TENM3: variants seen among roughly 807,000 people sequenced by gnomAD.
TENM3 encodes the protein teneurin-3.
Under a neutral mutation model 255.1 loss-of-function variants are expected in TENM3, and 63 were observed. That is an observed-to-expected ratio of 0.25 (90% CI 0.20 to 0.30). TENM3 has a LOEUF of 0.30. Among genes scored for constraint, TENM3 ranks in the 10% least tolerant of loss-of-function variants. TENM3 has a pLI of 1.00. For missense variants in TENM3, 2,929 were observed against 3,461.1 expected (o/e 0.85, Z 3.86); for synonymous variants, 1,306 against 1,322.3 (o/e 0.99, Z 0.27).
intron 7 of TENM3, 44 bp downstream of exon 7, chr4:182,673,263 G>T (rs772806748): frequency 6.6e-6 from 9 of 1,366,064 alleles, no homozygotes; most frequent in Admixed American, 4.3e-5. Flanking sequence ...ACTGCCAGTT[G>T]CATTTTTTGA....
At chr4:181,753,009 A>T in the TENM3 span, among the ~76,000 whole-genome samples, 1 of 152,014 alleles carries the variant, frequency 6.6e-6, no homozygotes, top group Non-Finnish European at 1.5e-5. Flanking sequence ...GAAGTATGTG[A>T]TTATGATTCA....
At chr4:182,061,986 A>G in the TENM3 span, among the ~76,000 whole-genome samples, 5 of 152,250 alleles carry the variant, frequency 3.3e-5, no homozygotes, top group African/African-American at 1.2e-4. Context: ...AAAATTAAAA[A>G]TTAAATATTT....
intron 3 of TENM3, among the ~76,000 whole-genome samples, chr4:182,512,840 G>A (rs899072537): frequency 6.6e-6 from 1 of 152,132 alleles, no homozygotes; most frequent in East Asian, 1.9e-4. Context: ...TATAGGCTAA[G>A]AGTATACAGA....
chr4:182,461,324 G>A (rs570127762), intron 3 of TENM3, among the ~76,000 whole-genome samples: 1 of 152,278 alleles, frequency 6.6e-6, no homozygotes, highest in East Asian at 1.9e-4. Context: ...CTTTTCAGGT[G>A]GAGAGGCACA....
the TENM3 span, among the ~76,000 whole-genome samples, chr4:181,959,593 CG>C: frequency 6.6e-6 from 1 of 152,182 alleles, no homozygotes; most frequent in East Asian, 1.9e-4. Context: ...AGCAGATCAC[CG>C]GCATGCCGGC....
chr4:182,126,304 T>C, the TENM3 span, among the ~76,000 whole-genome samples: 27 of 152,292 alleles, frequency 1.8e-4, no homozygotes, highest in African/African-American at 6.5e-4. Context: ...AAAACTTTAA[T>C]GTGAAAACAA....
the TENM3 span, among the ~76,000 whole-genome samples, chr4:181,575,458 A>G: frequency 7.2e-5 from 11 of 152,194 alleles, no homozygotes; most frequent in Non-Finnish European, 1.3e-4. Context: ...TGTAATCCCA[A>G]GTCTTTCAAA....
the TENM3 span, among the ~76,000 whole-genome samples, chr4:181,741,015 G>C: frequency 6.6e-6 from 1 of 152,146 alleles, no homozygotes; most frequent in Admixed American, 6.6e-5. Flanking sequence ...AGAAAATCCT[G>C]AGCTGATGAT....
intron 3 of TENM3, among the ~76,000 whole-genome samples, chr4:182,459,607 T>C (rs1479486079): frequency 6.6e-6 from 1 of 152,180 alleles, no homozygotes; most frequent in African/African-American, 2.4e-5. Flanking sequence ...TTCATGCATA[T>C]TACATTTCAT....
At chr4:182,080,095 A>G in the TENM3 span, among the ~76,000 whole-genome samples, 5 of 152,336 alleles carry the variant, frequency 3.3e-5, no homozygotes, top group South Asian at 1.0e-3. Context: ...AGGAGCTTGA[A>G]TAGTGAGCTC....
At chr4:181,984,789 C>CGTGTGTGTGT in the TENM3 span, among the ~76,000 whole-genome samples, 159 of 138,584 alleles carry the variant, frequency 1.1e-3, no homozygotes, top group Middle Eastern at 3.6e-3. Context: ...CTAAAAGAGT[C>CGTGTGTGTGT]GTGTGTGTGT....
the TENM3 span, among the ~76,000 whole-genome samples, chr4:181,550,699 C>T: frequency 3.2e-4 from 48 of 152,246 alleles, no homozygotes; most frequent in Admixed American, 3.1e-3. Context: ...CTATCCAAGT[C>T]TTTTATATGT....
chr4:182,458,980 C>T (rs1774114455), intron 3 of TENM3, among the ~76,000 whole-genome samples: 3 of 152,220 alleles, frequency 2.0e-5, no homozygotes, highest in African/African-American at 4.8e-5. Context: ...TCCAATGTTC[C>T]GTTATAGTAC....
intron 1 of TENM3, among the ~76,000 whole-genome samples, chr4:182,302,321 T>C (rs1761899234): frequency 6.6e-6 from 1 of 152,142 alleles, no homozygotes; most frequent in East Asian, 1.9e-4. Flanking sequence ...GTGAAAGTCA[T>C]GTTAAAGATG....
At position 182,731,697 on chromosome 4, in the gene TENM3, GTGTGTGTGT is replaced by G. The variant is rs1561172569; in HGVS notation, c.2967+559_2967+567del. ...ATGAATATATAGTGGGTGTTGGGGT[GTGTGTGTGT>G]GTGTGTGTGTGTGTGTGTGTGTGTG... On this transcript the variant is annotated intron_variant, in intron 16 of 27. Transcript: ENST00000511685. 2.2e-3 allele frequency among the ~76,000 whole-genome samples: 168 copies of G among 76,506 alleles called. 1 individual carries two copies. The highest frequency in any genetic ancestry group is 2.8e-3 in the African/African-American group (73 of 26,180). 50.2% of individuals were successfully genotyped at this position (76,506 alleles called of 152,430 possible).
intron 2 of TENM3, among the ~76,000 whole-genome samples, chr4:182,343,356 G>T (rs1323128542): frequency 3.3e-5 from 5 of 152,172 alleles, no homozygotes; most frequent in African/African-American, 4.8e-5. Context: ...TACTTATTTT[G>T]CCAGTTATGG....
intron 1 of TENM3, among the ~76,000 whole-genome samples, chr4:182,271,616 C>A (rs947795172): frequency 2.6e-5 from 4 of 152,176 alleles, no homozygotes; most frequent in African/African-American, 9.6e-5. Context: ...GTTTTGATTT[C>A]TTTGCTATGT....
chr4:181,780,338 G>A, the TENM3 span, among the ~76,000 whole-genome samples: 17 of 152,148 alleles, frequency 1.1e-4, no homozygotes, highest in African/African-American at 3.4e-4. Flanking sequence ...TCTAACTGGT[G>A]TGAGATGGTA....
the TENM3 span, among the ~76,000 whole-genome samples, chr4:181,927,628 C>A: frequency 6.6e-6 from 1 of 152,234 alleles, no homozygotes; most frequent in Non-Finnish European, 1.5e-5. Context: ...TGCCTGCCTG[C>A]TCCGAAGAGA....
Sources: allele counts gnomAD v4.1 joint callset (sites outside exome capture counted in the v4.1 genomes callset), GRCh38; gene constraint gnomAD v4.1.1; transcripts MANE v1.5; gene names NCBI Gene and HGNC (gene_info 2026-07-23, HGNC 2026-07-21).